Variants in FAM53B observed in about 807,000 individuals in gnomAD.
FAM53B encodes family with sequence similarity 53 member B, also known as protein FAM53B.
A neutral mutation model predicts 32.7 loss-of-function variants in FAM53B; 12 were observed. That is an observed-to-expected ratio of 0.37 (90% CI 0.24 to 0.59). The LOEUF is 0.59. Ranked by LOEUF, FAM53B falls within the 20% of genes least tolerant of loss-of-function variation. The pLI is 0.72. For missense variants in FAM53B, 477 were observed against 577.7 expected, an observed-to-expected ratio of 0.83 and a Z score of 1.79; for synonymous variants, 234 against 228.7, an observed-to-expected ratio of 1.02 and a Z score of -0.21.
chr10:124,729,606 ATTGT>A (rs1057215341), intron 1 of FAM53B, among the ~76,000 whole-genome samples: 5 of 152,172 alleles, frequency 3.3e-5, no homozygotes, highest in Non-Finnish European at 5.9e-5. Context: ...GGGAGTGGGC[ATTGT>A]TTAAGGTGTG....
intron 4 of FAM53B, among the ~76,000 whole-genome samples, chr10:124,630,743 C>T (rs948743773): frequency 6.6e-6 from 1 of 152,230 alleles, no homozygotes; most frequent in Non-Finnish European, 1.5e-5. Context: ...GGGTGGAAGG[C>T]TGGCCCTGGT....
At chr10:124,668,129 G>A (rs972234606) in intron 4 of FAM53B, among the ~76,000 whole-genome samples, 1 of 152,358 alleles carries the variant, frequency 6.6e-6, no homozygotes, top group Non-Finnish European at 1.5e-5. Flanking sequence ...TTCCCTGCGT[G>A]AATCAAGCTG....
intron 3 of FAM53B, among the ~76,000 whole-genome samples, chr10:124,689,506 G>A (rs969126005): frequency 4.6e-5 from 7 of 152,186 alleles, no homozygotes; most frequent in Admixed American, 2.0e-4. Context: ...GCTGTGTCTT[G>A]GATTCGGGGA....
At chr10:124,686,797 T>C (rs904145953) in intron 3 of FAM53B, among the ~76,000 whole-genome samples, 1 of 152,234 alleles carries the variant, frequency 6.6e-6, no homozygotes, top group Non-Finnish European at 1.5e-5. Context: ...CGGTGTTCTC[T>C]GGGACTCACC....
At chr10:124,656,176 G>C (rs761042109) in intron 4 of FAM53B, among the ~76,000 whole-genome samples, 6 of 152,234 alleles carry the variant, frequency 3.9e-5, no homozygotes, top group Non-Finnish European at 8.8e-5. Flanking sequence ...CTGCCCACTG[G>C]AACAGGGCAA....
chr10:124,690,524 C>T (rs1949826826), intron 3 of FAM53B, among the ~76,000 whole-genome samples: 1 of 152,204 alleles, frequency 6.6e-6, no homozygotes, highest in Non-Finnish European at 1.5e-5. Context: ...ATTGTGGTCC[C>T]CTCCCCATCA....
At chr10:124,688,815 C>T (rs1387056682) in intron 3 of FAM53B, among the ~76,000 whole-genome samples, 1 of 152,144 alleles carries the variant, frequency 6.6e-6, no homozygotes, top group African/African-American at 2.4e-5. Context: ...CATTCCTACC[C>T]TTAAATTTGA....
At chr10:124,633,803 T>A (rs1949408350) in intron 4 of FAM53B, among the ~76,000 whole-genome samples, 2 of 149,184 alleles carry the variant, frequency 1.3e-5, no homozygotes, top group African/African-American at 2.5e-5. Context: ...GACCAAAGAG[T>A]GTAATATAAC....
chr10:124,666,618 G>A (rs2134060023), intron 4 of FAM53B, among the ~76,000 whole-genome samples: 1 of 152,288 alleles, frequency 6.6e-6, no homozygotes, highest in Non-Finnish European at 1.5e-5. Flanking sequence ...CTGTCTTCCT[G>A]TATCACCCCG....
At chr10:124,628,301 T>C (rs1429508952) in intron 4 of FAM53B, among the ~76,000 whole-genome samples, 1 of 152,108 alleles carries the variant, frequency 6.6e-6, no homozygotes, top group Non-Finnish European at 1.5e-5. Flanking sequence ...GGGCATCCGG[T>C]GACAAAGACA....
chr10:124,636,579 GC>G (rs1387244573), intron 4 of FAM53B, among the ~76,000 whole-genome samples: 1 of 151,892 alleles, frequency 6.6e-6, no homozygotes, highest in African/African-American at 2.4e-5. Context: ...GGTTCAGGTG[GC>G]CCCCTGCCCG....
chr10:124,692,424 A>C (rs1378792489), intron 3 of FAM53B, among the ~76,000 whole-genome samples: 1 of 152,120 alleles, frequency 6.6e-6, no homozygotes, highest in Non-Finnish European at 1.5e-5. Flanking sequence ...TAAATAAATA[A>C]AAAGCATAGG....
intron 2 of FAM53B, among the ~76,000 whole-genome samples, chr10:124,700,836 A>T (rs1949910614): frequency 6.6e-6 from 1 of 152,220 alleles, no homozygotes; most frequent in South Asian, 2.1e-4. Context: ...GGAGCCACAG[A>T]GCAACAGGGG....
intron 4 of FAM53B, among the ~76,000 whole-genome samples, chr10:124,659,634 C>G (rs1266839370): frequency 1.3e-5 from 2 of 152,218 alleles, no homozygotes; most frequent in Admixed American, 1.3e-4. Flanking sequence ...AAATCTGAGC[C>G]AACCATCCCC....
At chr10:124,645,514 G>T (rs988663513) in intron 4 of FAM53B, among the ~76,000 whole-genome samples, 1 of 152,200 alleles carries the variant, frequency 6.6e-6, no homozygotes, top group Non-Finnish European at 1.5e-5. Context: ...GCAGACAGGT[G>T]AGGGTAAATT....
intron 3 of FAM53B, among the ~76,000 whole-genome samples, chr10:124,695,483 G>A (rs183909273): frequency 6.6e-6 from 1 of 152,306 alleles, no homozygotes. Flanking sequence ...CCTCCAGCCT[G>A]TCTATTCCAC....
chr10:124,669,498 C>T (rs967976052), intron 4 of FAM53B, among the ~76,000 whole-genome samples: 1 of 152,206 alleles, frequency 6.6e-6, no homozygotes, highest in African/African-American at 2.4e-5. Flanking sequence ...TTCACTGATC[C>T]ATCAGGTGAT....
chr10:124,665,616 T>A (rs750942103), intron 4 of FAM53B, among the ~76,000 whole-genome samples: 2 of 152,250 alleles, frequency 1.3e-5, no homozygotes, highest in Non-Finnish European at 2.9e-5. Context: ...ACTGCTATTA[T>A]GGATCCTGCT....
chr10:124,724,822 C>G (rs550559771), intron 1 of FAM53B, among the ~76,000 whole-genome samples: 1 of 152,206 alleles, frequency 6.6e-6, no homozygotes, highest in South Asian at 2.1e-4. Flanking sequence ...GAGAATGTCA[C>G]GATCATCTCA....
Sources: gnomAD v4.1 joint callset for allele counts (sites outside exome capture counted in the v4.1 genomes callset) on GRCh38, gnomAD v4.1.1 for gene constraint, MANE v1.5 for transcripts, NCBI Gene and HGNC (gene_info 2026-07-23, HGNC 2026-07-21) for gene names.